NLGN1: variants seen among roughly 807,000 people sequenced by gnomAD.
The protein encoded by NLGN1 is neuroligin-1.
Under a neutral mutation model 65.5 loss-of-function variants are expected in NLGN1, and 12 were observed. The observed-to-expected ratio is 0.18, with a 90% CI of 0.12 to 0.30. The LOEUF is 0.30. NLGN1 is among the 10% of genes least tolerant of loss of function. The probability of loss-of-function intolerance (pLI) is 1.00; values close to 1 mark genes in which losing one functional copy is unlikely to be tolerated. For missense variants in NLGN1, 750 were observed against 1,007.1 expected (o/e 0.74, Z 3.46); for synonymous variants, 350 against 359.5 (o/e 0.97, Z 0.30).
At chr3:173,459,440 A>G (rs1437755480) in intron 2 of NLGN1, among the ~76,000 whole-genome samples, 1 of 152,110 alleles carries the variant, frequency 6.6e-6, no homozygotes, top group Admixed American at 6.6e-5. Context: ...CTTTTAACTA[A>G]TGCATAAACT....
chr3:173,529,541 C>T (rs115690258), intron 2 of NLGN1, among the ~76,000 whole-genome samples: 1,730 of 152,252 alleles, frequency 0.011, 32 homozygotes, highest in African/African-American at 0.04. Context: ...CAGCTGCATG[C>T]CCTAGATCGG....
At chr3:173,523,922 C>CTT (rs34649982) in intron 2 of NLGN1, among the ~76,000 whole-genome samples, 2,645 of 128,622 alleles carry the variant, frequency 0.021, 125 homozygotes, top group African/African-American at 0.069. Context: ...TCTTTCTTTC[C>CTT]TTTTTTTTTT....
chr3:173,534,879 G>T (rs1268830930), intron 2 of NLGN1, among the ~76,000 whole-genome samples: 1 of 152,060 alleles, frequency 6.6e-6, no homozygotes, highest in African/African-American at 2.4e-5. Flanking sequence ...TCAACATAAA[G>T]CCTTGATTCA....
intron 4 of NLGN1, among the ~76,000 whole-genome samples, chr3:174,190,466 T>C (rs1237632215): frequency 6.6e-6 from 1 of 152,038 alleles, no homozygotes. Flanking sequence ...GATTTTTAAA[T>C]ATTTTTAAAA....
intron 4 of NLGN1, among the ~76,000 whole-genome samples, chr3:174,190,303 A>C (rs1426230567): frequency 6.6e-6 from 1 of 152,088 alleles, no homozygotes; most frequent in Non-Finnish European, 1.5e-5. Flanking sequence ...AGCAAAGAAC[A>C]TGAACCTGTT....
chr3:174,147,345 A>G (rs1399541200), intron 4 of NLGN1, among the ~76,000 whole-genome samples: 1 of 142,100 alleles, frequency 7.0e-6, no homozygotes, highest in Non-Finnish European at 1.5e-5. Context: ...TACGCGGTGT[A>G]GGTCCATTGT....
In NLGN1 at chr3:173,919,460, C is replaced by T. The variant is rs76310194; in HGVS notation, c.646+111628C>T. Among the ~76,000 whole-genome samples the T allele has an allele frequency of 1.8e-3, 271 of 152,246 alleles. 1 individual carries two copies. Among genetic ancestry groups the T allele is most frequent in the African/African-American group, 5.7e-3 (238 of 41,556 alleles). On this transcript the variant is annotated intron_variant, in intron 4 of 6. Transcript: ENST00000457714. ...CACAATTTCATTAAATTGTCTAAGC[C>T]ACACTCACTTTATTAGGAAGGTTCC...
intron 3 of NLGN1, among the ~76,000 whole-genome samples, chr3:173,661,094 A>T (rs2149690263): frequency 6.6e-6 from 1 of 152,150 alleles, no homozygotes; most frequent in African/African-American, 2.4e-5. Context: ...CATGCCTTTC[A>T]TTCTGTGTGT....
chr3:174,281,080 A>G (rs1751451484), exon 7 of NLGN1: 2 of 1,613,360 alleles, frequency 1.2e-6, no homozygotes, highest in Non-Finnish European at 1.7e-6. Context: ...ATTCATCCAC[A>G]TGAGGTGGTT....
At chr3:173,538,310 T>A (rs1412440053) in intron 2 of NLGN1, among the ~76,000 whole-genome samples, 1 of 152,194 alleles carries the variant, frequency 6.6e-6, no homozygotes, top group Non-Finnish European at 1.5e-5. Context: ...TGAAACCAGC[T>A]GCTTCAGGGT....
At chr3:173,930,973 G>A (rs540473958) in intron 4 of NLGN1, among the ~76,000 whole-genome samples, 3 of 152,178 alleles carry the variant, frequency 2.0e-5, no homozygotes, top group Non-Finnish European at 2.9e-5. Context: ...AGAAAAGAGA[G>A]TGTGTGTATA....
At chr3:174,211,779 CAG>C (rs201472088) in intron 4 of NLGN1, among the ~76,000 whole-genome samples, 11,848 of 146,314 alleles carry the variant, frequency 0.081, 5 homozygotes, top group African/African-American at 0.23. Context: ...CAGCTAGATA[CAG>C]AGTGTCGATT....
At chr3:173,751,043 T>C (rs548871765) in intron 3 of NLGN1, among the ~76,000 whole-genome samples, 1 of 152,078 alleles carries the variant, frequency 6.6e-6, no homozygotes, top group East Asian at 1.9e-4. Flanking sequence ...AAAAAACAAA[T>C]AAAAGGTCAG....
chr3:173,625,965 A>G (rs1754760169), intron 3 of NLGN1, among the ~76,000 whole-genome samples: 2 of 152,122 alleles, frequency 1.3e-5, no homozygotes, highest in Non-Finnish European at 2.9e-5. Flanking sequence ...GTAAAAATAA[A>G]TACAGCTTTG....
At chr3:173,789,044 A>G (rs1474829262) in intron 3 of NLGN1, among the ~76,000 whole-genome samples, 1 of 151,766 alleles carries the variant, frequency 6.6e-6, no homozygotes, top group Admixed American at 6.6e-5. Flanking sequence ...AAAAAAGTAC[A>G]GAAAATTAGC....
At chr3:173,407,755 C>A (rs929401850) in intron 1 of NLGN1, among the ~76,000 whole-genome samples, 1 of 152,144 alleles carries the variant, frequency 6.6e-6, no homozygotes. Context: ...ACACATACAA[C>A]ACATTGAGAA....
intron 4 of NLGN1, among the ~76,000 whole-genome samples, chr3:173,942,519 C>T (rs192872764): frequency 5.3e-5 from 8 of 152,160 alleles, no homozygotes; most frequent in Non-Finnish European, 1.0e-4. Context: ...CTCAGAATAG[C>T]GCCAAAAAGA....
At chr3:173,437,478 C>G (rs907792129) in intron 2 of NLGN1, among the ~76,000 whole-genome samples, 7 of 152,166 alleles carry the variant, frequency 4.6e-5, no homozygotes, top group African/African-American at 1.7e-4. Context: ...TTCAGCACTC[C>G]TGTGTGCAGC....
At chr3:173,483,710 C>G (rs1388832540) in intron 2 of NLGN1, among the ~76,000 whole-genome samples, 1 of 151,712 alleles carries the variant, frequency 6.6e-6, no homozygotes, top group African/African-American at 2.4e-5. Context: ...GGCAAAAGCC[C>G]CTGACTTATA....
Sources: gnomAD v4.1 joint callset for allele counts (sites outside exome capture counted in the v4.1 genomes callset) on GRCh38, gnomAD v4.1.1 for gene constraint, MANE v1.5 for transcripts, NCBI Gene and HGNC (gene_info 2026-07-23, HGNC 2026-07-21) for gene names.